IMPG1: variants seen among roughly 807,000 people sequenced by gnomAD.
IMPG1 encodes the protein interphotoreceptor matrix proteoglycan of 150 kDa.
In IMPG1, 85 loss-of-function variants were observed where a neutral mutation model predicts 92.0. That is an observed-to-expected ratio of 0.92 (90% confidence interval 0.78 to 1.11). The LOEUF is 1.11. Ranked by LOEUF, IMPG1 falls within the 50% of genes least tolerant of loss-of-function variation. The pLI is 0.00. For synonymous variants in IMPG1, 367 were observed against 334.1 expected (o/e 1.10, Z -1.08); for missense variants, 1,022 against 956.0 (o/e 1.07, Z -0.91).
At chr6:75,964,630 T>C (rs998098291) in intron 12 of IMPG1, among the ~76,000 whole-genome samples, 2 of 133,616 alleles carry the variant, frequency 1.5e-5, no homozygotes, top group South Asian at 2.3e-4. Context: ...TGAGCTGAGA[T>C]GGCGCCACTG....
chr6:75,982,564 T>TCTATCTAC (rs200296542), intron 12 of IMPG1, among the ~76,000 whole-genome samples: 3 of 150,156 alleles, frequency 2.0e-5, no homozygotes, highest in Non-Finnish European at 4.4e-5. Flanking sequence ...TATCTATCTA[T>TCTATCTAC]ATATCTATAT....
chr6:76,062,005 C>T (rs918921601), intron 1 of IMPG1, among the ~76,000 whole-genome samples: 2 of 152,102 alleles, frequency 1.3e-5, no homozygotes, highest in Non-Finnish European at 2.9e-5. Flanking sequence ...TTAAAAGAAG[C>T]CTTTTGAAAT....
chr6:76,030,165 A>C (rs1783629499), intron 4 of IMPG1, among the ~76,000 whole-genome samples: 1 of 152,186 alleles, frequency 6.6e-6, no homozygotes, highest in South Asian at 2.1e-4. Flanking sequence ...TACTGACAGT[A>C]GCAGGGATAG....
At chr6:75,937,249 T>G (rs2149452522) in intron 14 of IMPG1, among the ~76,000 whole-genome samples, 1 of 152,200 alleles carries the variant, frequency 6.6e-6, no homozygotes, top group East Asian at 1.9e-4. Flanking sequence ...GGACTTTTGT[T>G]TCTGAGAGTA....
intron 12 of IMPG1, 69 bp from the exon 13 acceptor site, chr6:75,951,163 T>C (rs2149457796): frequency 1.7e-6 from 2 of 1,204,550 alleles, no homozygotes; most frequent in East Asian, 2.4e-5. Flanking sequence ...AAAAAGAAAA[T>C]CCAAAATTAA....
intron 14 of IMPG1, among the ~76,000 whole-genome samples, chr6:75,935,681 G>A (rs1195449227): frequency 6.6e-6 from 1 of 152,162 alleles, no homozygotes; most frequent in African/African-American, 2.4e-5. Context: ...CAATCTGCAG[G>A]AGGCACAGCC....
intron 14 of IMPG1, among the ~76,000 whole-genome samples, chr6:75,937,901 G>C (rs939120422): frequency 6.6e-6 from 1 of 152,186 alleles, no homozygotes; most frequent in African/African-American, 2.4e-5. Flanking sequence ...ATGTGGTTTT[G>C]CATTTTTGAA....
chr6:75,991,963 T>C (rs1332925747), intron 12 of IMPG1, among the ~76,000 whole-genome samples: 1 of 152,214 alleles, frequency 6.6e-6, no homozygotes, highest in Non-Finnish European at 1.5e-5. Context: ...TAGGGCACAG[T>C]ACCCAGATAT....
chr6:75,924,488 T>C (rs1781489297), intron 15 of IMPG1, among the ~76,000 whole-genome samples: 1 of 86,846 alleles, frequency 1.2e-5, no homozygotes, highest in South Asian at 2.9e-4. Context: ...TATATTATAA[T>C]ATAATATAAT....
intron 12 of IMPG1, among the ~76,000 whole-genome samples, chr6:75,974,771 C>T (rs1330304416): frequency 1.3e-5 from 2 of 152,152 alleles, no homozygotes; most frequent in South Asian, 2.1e-4. Flanking sequence ...CTGCCTTGGC[C>T]TCCTAAAGTG....
At chr6:76,026,035 G>A (rs111615532) in intron 4 of IMPG1, among the ~76,000 whole-genome samples, 1,652 of 152,270 alleles carry the variant, frequency 0.011, 35 homozygotes, top group African/African-American at 0.038. Flanking sequence ...TTGCAGTGGG[G>A]AGGAGCCTGG....
intron 1 of IMPG1, among the ~76,000 whole-genome samples, chr6:76,045,798 T>A (rs539229515): frequency 2.6e-5 from 4 of 152,206 alleles, no homozygotes; most frequent in African/African-American, 9.7e-5. Flanking sequence ...GTAATGTTGT[T>A]ACTGAACTGA....
At chr6:76,071,894 C>T (rs1209625554) in intron 1 of IMPG1, among the ~76,000 whole-genome samples, 7 of 152,056 alleles carry the variant, frequency 4.6e-5, no homozygotes, top group Admixed American at 1.3e-4. Flanking sequence ...TTCTTTTATG[C>T]GTACAACTTC....
chr6:75,988,476 T>G (rs938136582), intron 12 of IMPG1, among the ~76,000 whole-genome samples: 1 of 152,216 alleles, frequency 6.6e-6, no homozygotes, highest in African/African-American at 2.4e-5. Context: ...GTTGTTTGAT[T>G]TTTTCTTGTA....
At chr6:76,034,573 G>T in intron 3 of IMPG1, 48 bp downstream of exon 3, 1 of 1,590,354 alleles carries the variant, frequency 6.3e-7, no homozygotes, top group South Asian at 1.1e-5. Context: ...TGGAGCCTGG[G>T]AACTGTTCGT....
intron 14 of IMPG1, chr6:75,934,918 C>G: frequency 2.1e-6 from 1 of 470,048 alleles, no homozygotes; most frequent in Non-Finnish European, 4.4e-6. Flanking sequence ...TCCCATTTTA[C>G]TCACGTGTTG....
chr6:76,006,860 T>A (rs1783107599), intron 9 of IMPG1, among the ~76,000 whole-genome samples: 1 of 152,054 alleles, frequency 6.6e-6, no homozygotes, highest in Admixed American at 6.6e-5. Context: ...TACCTTTAGT[T>A]CATGTCATAA....
At chr6:76,062,997 A>G (rs1407741488) in intron 1 of IMPG1, among the ~76,000 whole-genome samples, 1 of 151,836 alleles carries the variant, frequency 6.6e-6, no homozygotes, top group Non-Finnish European at 1.5e-5. Flanking sequence ...TGAGGTCAGG[A>G]GTTCGAGACC....
At chr6:75,945,571 G>A (rs943365286) in intron 14 of IMPG1, among the ~76,000 whole-genome samples, 1 of 151,932 alleles carries the variant, frequency 6.6e-6, no homozygotes, top group Admixed American at 6.6e-5. Flanking sequence ...GGCTGATTTC[G>A]AACTCCTGAC....
Sources: gnomAD v4.1 joint callset for allele counts (sites outside exome capture counted in the v4.1 genomes callset) on GRCh38, gnomAD v4.1.1 for gene constraint, MANE v1.5 for transcripts, NCBI Gene and HGNC (gene_info 2026-07-23, HGNC 2026-07-21) for gene names.